XKRX: variants seen among roughly 807,000 people sequenced by gnomAD.
The protein encoded by XKRX is XK related X-linked.
In XKRX, 11 loss-of-function variants were observed where a neutral mutation model predicts 22.4. The observed-to-expected ratio is 0.49, with a 90% CI of 0.31 to 0.81. The LOEUF (loss-of-function observed/expected upper bound fraction) is 0.81. XKRX is among the 40% of genes least tolerant of loss of function. XKRX has a pLI of 0.05. For synonymous variants in XKRX, 114 were observed against 132.2 expected (o/e 0.86, Z 0.94); for missense variants, 320 against 336.5 (o/e 0.95, Z 0.38).
the XKRX span, among the ~76,000 whole-genome samples, chrX:100,951,577 A>G: frequency 9.0e-6 from 1 of 111,373 alleles, no homozygotes; most frequent in Non-Finnish European, 1.9e-5. Context: ...CAATGTTAAG[A>G]GCATAAATCA....
chrX:100,941,353 C>T, the XKRX span, among the ~76,000 whole-genome samples: 1 of 111,760 alleles, frequency 8.9e-6, no homozygotes, highest in South Asian at 3.8e-4. Flanking sequence ...TCAAGACCAG[C>T]CTGGCCAACA....
the XKRX span, among the ~76,000 whole-genome samples, chrX:100,899,394 A>G: frequency 4.5e-5 from 5 of 112,046 alleles, no homozygotes; most frequent in Non-Finnish European, 7.5e-5. Context: ...ACTGGCCTGT[A>G]GTCCCAGCCT....
intron 2 of XKRX, among the ~76,000 whole-genome samples, chrX:100,922,272 T>A (rs1222158689): frequency 8.9e-6 from 1 of 112,231 alleles, no homozygotes; most frequent in African/African-American, 3.2e-5. Context: ...GTGAATATAA[T>A]TTCAAAAAGA....
At chrX:100,900,250 G>T in the XKRX span, among the ~76,000 whole-genome samples, 1 of 110,263 alleles carries the variant, frequency 9.1e-6, no homozygotes, top group African/African-American at 3.3e-5. Flanking sequence ...TGTAGAGATG[G>T]GGGTCTCACT....
Position 100,914,703 on chromosome X carries a change from C to T in XKRX, c.985G>A (p.Ala329Thr). 1 of 1,211,883 alleles carries T rather than the reference C, an allele frequency of 8.3e-7. No individual in the cohort carries two copies. Among genetic ancestry groups the T allele is most frequent in the Non-Finnish European group, 1.1e-6 (1 of 895,607 alleles). ...YAGINFSCWS[A>T]LQLRLADRDL... ...CTGTCTGCCAACCTCAACTGCAAAG[C>T]TGACCAGCAAGAGAAGTTGATGCCA... is the stretch of plus-strand genomic sequence containing the variant. The change falls in exon 3 of 3, where the codon GCT becomes ACT. Residue 329 changes from alanine (A) to threonine (T), a missense_variant. Ala to Thr is a moderately conservative substitution (Grantham distance 58, BLOSUM62 0). Coordinates refer to ENST00000372956, the MANE Select transcript of XKRX (RefSeq NM_212559.3).
intron 1 of XKRX, among the ~76,000 whole-genome samples, chrX:100,923,411 C>T (rs956949319): frequency 8.9e-6 from 1 of 111,989 alleles, no homozygotes; most frequent in Admixed American, 9.4e-5. Context: ...ACCCAAAGTG[C>T]TGGGATCCTA....
At chrX:100,905,491 C>T in the XKRX span, among the ~76,000 whole-genome samples, 4 of 112,306 alleles carry the variant, frequency 3.6e-5, no homozygotes, top group East Asian at 8.3e-4. Context: ...TTACAAATAT[C>T]GTGTAAATTT....
chrX:100,894,935 T>C, the XKRX span, among the ~76,000 whole-genome samples: 1 of 112,279 alleles, frequency 8.9e-6, no homozygotes, highest in African/African-American at 3.2e-5. Flanking sequence ...ACTTCTGGGA[T>C]GTAAACACCT....
chrX:100,933,662 C>G (rs191495715), upstream of XKRX, among the ~76,000 whole-genome samples: 1 of 110,381 alleles, frequency 9.1e-6, no homozygotes, highest in Non-Finnish European at 1.9e-5. Flanking sequence ...AACTTCCCTG[C>G]AGCCCTCACC....
chrX:100,933,346 G>A (rs1265426819), upstream of XKRX, among the ~76,000 whole-genome samples: 1 of 109,193 alleles, frequency 9.2e-6, no homozygotes, highest in Non-Finnish European at 1.9e-5. Flanking sequence ...GCCAGGTGTG[G>A]TGGCACACAT....
the XKRX span, among the ~76,000 whole-genome samples, chrX:100,896,635 T>C: frequency 8.9e-6 from 1 of 111,894 alleles, no homozygotes; most frequent in Non-Finnish European, 1.9e-5. Context: ...GGATGTATCT[T>C]GTTAACTAGT....
the XKRX span, among the ~76,000 whole-genome samples, chrX:100,889,896 T>A: frequency 9.0e-6 from 1 of 111,522 alleles, no homozygotes; most frequent in Admixed American, 9.5e-5. Flanking sequence ...CCCAGCTACC[T>A]GGGAGGCTGA....
chrX:100,951,461 G>T, the XKRX span, among the ~76,000 whole-genome samples: 1 of 100,323 alleles, frequency 1.0e-5, no homozygotes, highest in African/African-American at 3.6e-5. Flanking sequence ...GGGTGGGGGG[G>T]AAGAAAAAGA....
rs891205419 is a variant in XKRX at position 100,928,899 on chromosome X, C to T, written c.-595G>A. The stretch of plus-strand genomic sequence containing the variant: ...AGCTATCAGCTGGCCCGCTCACCTG[C>T]GCGCTCTCAGGACCTTTGCCGAGTC... On this transcript the variant is annotated 5_prime_UTR_variant, in exon 1 of 3. Transcript: ENST00000372956. The T allele has an allele frequency of 1.4e-6, 1 of 731,446 alleles. No homozygotes were observed. The highest frequency in any genetic ancestry group is 2.3e-5 in the African/African-American group (1 of 42,769). The allele number at this position is 731,446 out of a possible 1,213,427, so 60.3% of individuals were successfully genotyped here.
the XKRX span, among the ~76,000 whole-genome samples, chrX:100,946,662 G>A: frequency 8.9e-6 from 1 of 111,782 alleles, no homozygotes; most frequent in East Asian, 2.8e-4. Flanking sequence ...GAGTCCTCAC[G>A]AGAAAGCTGT....
chrX:100,888,272 A>G, the XKRX span: 1 of 744,187 alleles, frequency 1.3e-6, no homozygotes, highest in Admixed American at 2.2e-5. Context: ...ACCAACAAAT[A>G]TCTTTTTCAC....
chrX:100,954,152 C>A, the XKRX span, among the ~76,000 whole-genome samples: 4 of 111,207 alleles, frequency 3.6e-5, no homozygotes. Flanking sequence ...GGCGCAGTGG[C>A]TCACGCCTGT....
chrX:100,917,657 G>GAAAGAAAGA (rs1556193594), intron 2 of XKRX, among the ~76,000 whole-genome samples: 1 of 42,293 alleles, frequency 2.4e-5, no homozygotes, highest in Non-Finnish European at 4.0e-5. Context: ...AAGAAAGAAA[G>GAAAGAAAGA]AAAGAAAGAA....
chrX:100,889,807 C>T, the XKRX span, among the ~76,000 whole-genome samples: 1 of 111,230 alleles, frequency 9.0e-6, no homozygotes, highest in African/African-American at 3.3e-5. Context: ...AGTTTGGGAC[C>T]AGCCTGGGCA....
Sources: allele counts gnomAD v4.1 joint callset (sites outside exome capture counted in the v4.1 genomes callset), GRCh38; gene constraint gnomAD v4.1.1; transcripts MANE v1.5; gene names NCBI Gene and HGNC (gene_info 2026-07-23, HGNC 2026-07-21).